The following ACBD4 variants were observed in gnomAD, a reference collection of about 807,000 sequenced individuals.
ACBD4 encodes the protein acyl-CoA-binding domain-containing protein 4.
ACBD4 carries 41 observed loss-of-function variants against 46.0 expected under a neutral mutation model. The observed-to-expected ratio is 0.89, with a 90% confidence interval of 0.69 to 1.16. The LOEUF (loss-of-function observed/expected upper bound fraction) is 1.16, where lower values mean the gene tolerates loss of function less well. Ranked by LOEUF, ACBD4 falls within the 50% of genes most tolerant of loss-of-function variation. ACBD4 has a pLI of 0.00. For missense variants in ACBD4, 393 were observed against 399.5 expected, an observed-to-expected ratio of 0.98 and a Z score of 0.14; for synonymous variants, 162 against 155.9, an observed-to-expected ratio of 1.04 and a Z score of -0.29.
At chr17:45,137,342 C>T (rs2054922910) in intron 5 of ACBD4, 26 bp from the exon 6 acceptor site, 3 of 1,613,666 alleles carry the variant, frequency 1.9e-6, no homozygotes, top group South Asian at 2.2e-5. Flanking sequence ...TCCCCAGGCC[C>T]ACCTCTGGGT....
upstream of ACBD4, chr17:45,135,683 G>C (rs372151905): frequency 1.4e-4 from 22 of 157,774 alleles, no homozygotes; most frequent in South Asian, 3.7e-3. Flanking sequence ...TGGACCCCGG[G>C]GTCAGTAGGA....
In ACBD4 at chr17:45,143,502, G is replaced by A. The variant is rs1197816631; in HGVS notation, c.849G>A (p.Leu283=). 6.2e-7 allele frequency: 1 copy of A among 1,613,848 alleles called. No homozygotes were observed. The change falls in exon 10 of 10, where the codon CTG becomes CTA. Residue 283 remains leucine (L), a synonymous_variant. Transcript: ENST00000321854. ...PWPLGLPGPA[L]LFFLLWPFVV... ...CCCTTGGGCTCCCGGGGCCCGCGCT[G>A]CTCTTCTTCCTCCTGTGGCCCTTCG... is the stretch of plus-strand genomic sequence containing the variant.
Position 45,136,102 on chromosome 17 carries a change from T to C in ACBD4, c.-37-6T>C. The C allele has an allele frequency of 6.2e-7, 1 of 1,605,722 alleles. No homozygotes were observed. Among genetic ancestry groups the C allele is most frequent in the South Asian group, 1.1e-5 (1 of 90,826 alleles). On this transcript the variant is annotated splice_region_variant and splice_polypyrimidine_tract_variant and intron_variant, in intron 1 of 9. Coordinates refer to ENST00000321854, the MANE Select transcript of ACBD4 (RefSeq NM_001135705.3). ...GGCCCCCTCACACGAAGGCTGCTTC[T>C]TGCAGAGTCGCTCAAAAGTAGGGCC...
chr17:45,139,294 C>T lies in ACBD4; in HGVS notation c.789+134C>T, dbSNP rs984251159. On this transcript the variant is annotated intron_variant, in intron 9 of 9. Transcript: ENST00000321854. Reference sequence around the variant, plus strand: ...TCTCTCTCCAGAGAATGGCATGGCTCCTGCTACAGGCAGGAGGTGGGGGTG... The same window carrying T: ...TCTCTCTCCAGAGAATGGCATGGCTTCTGCTACAGGCAGGAGGTGGGGGTG... 1.4e-5 allele frequency: 13 copies of T among 945,524 alleles called. No homozygotes were observed. The South Asian group carries it at 2.0e-4, about 14-fold the overall frequency. 58.6% of individuals were successfully genotyped at this position (945,524 alleles called of 1,614,324 possible).
At chr17:45,137,703 T>G in intron 6 of ACBD4, 57 bp from the exon 7 acceptor site, 1 of 1,589,586 alleles carries the variant, frequency 6.3e-7, no homozygotes, top group Non-Finnish European at 8.6e-7. Context: ...CAGTGCACAC[T>G]CCTGCTCTCC....
At chr17:45,133,784 G>GC (rs2054616673), upstream of ACBD4, among the ~76,000 whole-genome samples, 1 of 151,976 alleles carries the variant, frequency 6.6e-6, no homozygotes, top group African/African-American at 2.4e-5. Flanking sequence ...GCCCGCCTCG[G>GC]CCTCCCAAAG....
At chr17:45,142,344 G>A (rs1156580549) in intron 9 of ACBD4, among the ~76,000 whole-genome samples, 2 of 112,940 alleles carry the variant, frequency 1.8e-5, no homozygotes, top group Non-Finnish European at 3.3e-5. Flanking sequence ...ACTGAGCCGA[G>A]ATCACGCCAT....
chr17:45,131,829 C>T (rs939934979), upstream of ACBD4, among the ~76,000 whole-genome samples: 3 of 152,220 alleles, frequency 2.0e-5, no homozygotes, highest in East Asian at 1.9e-4. Flanking sequence ...AGGCCAGCCT[C>T]TTCTGCGGAG....
intron 8 of ACBD4, 120 bp from the exon 9 acceptor site, chr17:45,138,901 C>A: frequency 9.1e-7 from 1 of 1,097,444 alleles, no homozygotes; most frequent in Non-Finnish European, 1.3e-6. Context: ...AAGAATCACA[C>A]TTGGTACAGC....
rs529921644 is a variant in ACBD4, at chr17:45,137,182, C to T, written c.415+43C>T. On this transcript the variant is annotated intron_variant, in intron 5 of 9. Transcript: ENST00000321854. ...GGAGCTCCAAAAGTGCTGAGTGAAC[C>T]GTCTTAGGTCTAGGCTGAGGTGGGC... The T allele has an allele frequency of 8.1e-6, 13 of 1,612,232 alleles. No individual in the cohort carries two copies. In the East Asian group the frequency reaches 1.6e-4, roughly 19 times the overall value.
chr17:45,138,904 G>T, intron 8 of ACBD4, 117 bp from the exon 9 acceptor site: 2 of 1,107,772 alleles, frequency 1.8e-6, no homozygotes, highest in Non-Finnish European at 2.6e-6. Context: ...AATCACACTT[G>T]GTACAGCGAC....
upstream of ACBD4, chr17:45,132,372 G>C (rs534992324): frequency 1.6e-6 from 2 of 1,228,624 alleles, no homozygotes; most frequent in East Asian, 3.2e-5. This position sits in a 1 kb window ranked among gnomAD's most constrained non-coding sequence, Gnocchi z 4.6. Flanking sequence ...GGGGCTCCTC[G>C]GGCGGGCGGC....
upstream of ACBD4, among the ~76,000 whole-genome samples, chr17:45,134,701 C>T (rs867789953): frequency 7.9e-5 from 12 of 151,964 alleles, no homozygotes; most frequent in African/African-American, 2.2e-4. Flanking sequence ...GGCGTGAACC[C>T]GGGAGGCGGA....
In ACBD4 at chr17:45,139,143, C is replaced by A; in HGVS notation, c.772C>A (p.Pro258Thr). 1.2e-6 allele frequency: 2 copies of A among 1,613,558 alleles called. No homozygotes were observed. Among genetic ancestry groups the A allele is most frequent in the Non-Finnish European group, 1.7e-6 (2 of 1,179,966 alleles). ...GAGGGTGCAGAGCCTGGAGAGCATG[C>A]CCCGGCCCCCTGAGCAGGTAGAGTC... ...QARVQSLESMPRPPEQRPQPR... is the reference protein window; with the variant it reads ...QARVQSLESMTRPPEQRPQPR... Residue 258 changes from proline to threonine, a missense_variant, in exon 9 of 10, where the codon CCC becomes ACC. Pro to Thr is a conservative substitution (Grantham distance 38). Around this residue, in one of 3 missense-constraint regions of ACBD4, gnomAD observed 308 missense variants for 301.8 expected, o/e 1.02. Coordinates refer to ENST00000321854, the MANE Select transcript of ACBD4 (RefSeq NM_001135705.3).
At position 45,143,649 on chromosome 17, in the gene ACBD4, G is replaced by T; in HGVS notation, c.*78G>T. On this transcript the variant is annotated 3_prime_UTR_variant, in exon 10 of 10. Transcript: ENST00000321854. ...AGCCTTCCTAGGGTTTAGAAGAACA[G>T]CATTCAAAATTCCCCGTCCTGTCAG... 6.2e-7 allele frequency: 1 copy of T among 1,609,324 alleles called. No homozygotes were observed. Among genetic ancestry groups the T allele is most frequent in the African/African-American group, 1.3e-5 (1 of 74,940 alleles).
upstream of ACBD4, among the ~76,000 whole-genome samples, chr17:45,132,852 C>A (rs2054517739): frequency 1.3e-5 from 2 of 152,164 alleles, no homozygotes; most frequent in African/African-American, 4.8e-5. This position sits in a 1 kb window ranked among gnomAD's most constrained non-coding sequence, Gnocchi z 4.6. Flanking sequence ...TCCTTCCCTT[C>A]CGCGTCCCCG....
chr17:45,137,966 C>A lies in ACBD4; in HGVS notation c.627C>A (p.Ser209Arg). Reference protein sequence around the residue: ...ASGGKRDPRNSPVPPTKKEGL... With the variant: ...ASGGKRDPRNRPVPPTKKEGL... ...GAGGAAAGCGTGATCCCAGGAACAG[C>A]CCCGTGCCCCCCACAAAGAAAGGTG... Residue 209 changes from serine to arginine, a missense_variant, in exon 8 of 10, where the codon AGC becomes AGA. Physicochemically the swap from Ser to Arg is moderately radical, Grantham distance 110. Coordinates refer to ENST00000321854, the MANE Select transcript of ACBD4 (RefSeq NM_001135705.3). 6.2e-7 allele frequency: 1 copy of A among 1,613,736 alleles called. No homozygotes were observed. The highest frequency in any genetic ancestry group is 1.1e-5 in the South Asian group (1 of 91,032).
chr17:45,136,412 C>T (rs1361396206), intron 2 of ACBD4, 88 bp from the exon 3 acceptor site: 1 of 1,499,478 alleles, frequency 6.7e-7, no homozygotes, highest in Non-Finnish European at 9.1e-7. Context: ...ATCACCACCT[C>T]TGCCCTTTCC....
upstream of ACBD4, chr17:45,132,282 G>C: frequency 1.6e-6 from 2 of 1,274,126 alleles, no homozygotes; most frequent in Non-Finnish European, 2.0e-6. This position sits in a 1 kb window ranked among gnomAD's most constrained non-coding sequence, Gnocchi z 4.6. Context: ...CGGGCCTCTT[G>C]GTGCCGCCAT....
Sources: gnomAD v4.1 joint callset for allele counts (sites outside exome capture counted in the v4.1 genomes callset) on GRCh38, gnomAD v4.1.1 for gene constraint, gnomAD v4.1.1 regional missense constraint, Gnocchi (gnomAD v3.1) non-coding constraint, MANE v1.5 for transcripts, NCBI Gene and HGNC (gene_info 2026-07-23, HGNC 2026-07-21) for gene names.